EYS: variants seen among roughly 807,000 people sequenced by gnomAD.
EYS encodes protein eyes shut homolog.
EYS carries 250 observed loss-of-function variants against 282.1 expected under a neutral mutation model. The observed-to-expected ratio is 0.89, with a 90% CI of 0.80 to 0.98. The LOEUF is 0.98. Ranked by LOEUF, EYS falls within the 50% of genes least tolerant of loss-of-function variation. The probability of loss-of-function intolerance (pLI) is 0.00; values close to 1 mark genes in which losing one functional copy is unlikely to be tolerated. For synonymous variants in EYS, 1,355 were observed against 1,282.9 expected, an observed-to-expected ratio of 1.06 and a Z score of -1.20; for missense variants, 4,016 against 3,709.0, an observed-to-expected ratio of 1.08 and a Z score of -2.15.
At chr6:65,020,530 C>G (rs1772218224) in intron 13 of EYS, among the ~76,000 whole-genome samples, 1 of 152,142 alleles carries the variant, frequency 6.6e-6, no homozygotes, top group Non-Finnish European at 1.5e-5. Context: ...GGCTCTCGAT[C>G]CTAGCTGCTT....
intron 16 of EYS, among the ~76,000 whole-genome samples, chr6:64,904,724 C>CG (rs1767770322): frequency 6.6e-6 from 1 of 152,036 alleles, no homozygotes; most frequent in African/African-American, 2.4e-5. Context: ...TATAAAGAAG[C>CG]ACCAGTGAGC....
At chr6:64,374,099 G>T (rs1378721518) in intron 29 of EYS, among the ~76,000 whole-genome samples, 1 of 150,216 alleles carries the variant, frequency 6.7e-6, no homozygotes, top group East Asian at 2.0e-4. Context: ...GGCGGGGCAG[G>T]TAAAGTGGCT....
intron 37 of EYS, among the ~76,000 whole-genome samples, chr6:63,791,520 G>A (rs1305307492): frequency 6.6e-6 from 1 of 150,780 alleles, no homozygotes; most frequent in Non-Finnish European, 1.5e-5. Flanking sequence ...AGATCTTGCA[G>A]TGAGCCGAGA....
chr6:64,998,145 A>C (rs1771337418), intron 13 of EYS, among the ~76,000 whole-genome samples: 1 of 152,328 alleles, frequency 6.6e-6, no homozygotes, highest in African/African-American at 2.4e-5. Flanking sequence ...ATTAAAGTGC[A>C]TTGTGATCTC....
At chr6:65,560,548 G>A (rs1359344210) in intron 2 of EYS, among the ~76,000 whole-genome samples, 3 of 151,266 alleles carry the variant, frequency 2.0e-5, no homozygotes, top group Non-Finnish European at 4.4e-5. Flanking sequence ...ATTTAAGCAA[G>A]ACTTTTACTC....
At chr6:64,537,444 T>A (rs1267745969) in intron 26 of EYS, among the ~76,000 whole-genome samples, 1 of 152,144 alleles carries the variant, frequency 6.6e-6, no homozygotes, top group East Asian at 1.9e-4. Flanking sequence ...TCTTGTAAAA[T>A]TTATTTTGTT....
chr6:64,225,000 A>C (rs568595282), intron 31 of EYS, among the ~76,000 whole-genome samples: 1 of 152,116 alleles, frequency 6.6e-6, no homozygotes, highest in Non-Finnish European at 1.5e-5. Flanking sequence ...TTTGCCAATT[A>C]GTCAATTTCA....
intron 13 of EYS, among the ~76,000 whole-genome samples, chr6:65,008,808 G>T (rs985613286): frequency 1.3e-5 from 2 of 152,138 alleles, no homozygotes; most frequent in African/African-American, 2.4e-5. Flanking sequence ...ACCATTGAGG[G>T]CCAGGAGGTT....
chr6:64,417,393 G>T (rs1455337547), intron 28 of EYS, among the ~76,000 whole-genome samples: 2 of 152,078 alleles, frequency 1.3e-5, no homozygotes, highest in Non-Finnish European at 2.9e-5. Context: ...TAATTTGCTT[G>T]TTTCCAGAAA....
At chr6:64,550,166 T>C (rs1765026442) in intron 26 of EYS, among the ~76,000 whole-genome samples, 1 of 152,202 alleles carries the variant, frequency 6.6e-6, no homozygotes, top group Non-Finnish European at 1.5e-5. Context: ...TTCCAAGTCT[T>C]TGCTATTGTG....
At chr6:64,036,572 A>G (rs1770131920) in intron 33 of EYS, among the ~76,000 whole-genome samples, 1 of 152,222 alleles carries the variant, frequency 6.6e-6, no homozygotes, top group African/African-American at 2.4e-5. Context: ...GAGGAGCTAC[A>G]GACATCACGC....
At chr6:64,269,824 A>G (rs1363056887) in intron 30 of EYS, among the ~76,000 whole-genome samples, 1 of 152,002 alleles carries the variant, frequency 6.6e-6, no homozygotes. Context: ...ACTCTTTAAT[A>G]CATTCAAAAG....
At chr6:64,782,598 AAACTT>A (rs1773894796) in intron 22 of EYS, among the ~76,000 whole-genome samples, 1 of 152,198 alleles carries the variant, frequency 6.6e-6, no homozygotes, top group Non-Finnish European at 1.5e-5. Context: ...TCTCTTTAAA[AAACTT>A]AACTGCATAT....
At chr6:64,162,841 G>A (rs534587715) in intron 31 of EYS, among the ~76,000 whole-genome samples, 1 of 152,168 alleles carries the variant, frequency 6.6e-6, no homozygotes, top group African/African-American at 2.4e-5. Flanking sequence ...TGAATTGTTT[G>A]TATTATTCAT....
intron 18 of EYS, among the ~76,000 whole-genome samples, chr6:64,900,013 G>A (rs1396922270): frequency 4.6e-5 from 7 of 152,114 alleles, no homozygotes; most frequent in African/African-American, 1.7e-4. Context: ...AAACAGCATG[G>A]TGCTGGTACC....
At chr6:65,663,773 CCGGG>C (rs1768091655) in intron 1 of EYS, among the ~76,000 whole-genome samples, 4 of 152,132 alleles carry the variant, frequency 2.6e-5, no homozygotes, top group East Asian at 1.9e-4. Flanking sequence ...GCTCCGCCTC[CCGGG>C]TTCAGGCCAT....
At chr6:65,133,063 A>T (rs1274887180) in intron 12 of EYS, among the ~76,000 whole-genome samples, 1 of 151,834 alleles carries the variant, frequency 6.6e-6, no homozygotes, top group Non-Finnish European at 1.5e-5. Flanking sequence ...GAAATCAGAG[A>T]TGAAACAAAT....
intron 14 of EYS, among the ~76,000 whole-genome samples, chr6:64,963,899 T>A (rs973890563): frequency 2.6e-5 from 4 of 152,154 alleles, no homozygotes; most frequent in Admixed American, 2.6e-4. Flanking sequence ...TTTTAAGTTG[T>A]AATACATAAT....
intron 26 of EYS, among the ~76,000 whole-genome samples, chr6:64,562,538 G>C (rs1765429405): frequency 6.6e-6 from 1 of 151,780 alleles, no homozygotes; most frequent in Non-Finnish European, 1.5e-5. Context: ...TTTAATGATG[G>C]TTGAGTGGAA....
Sources: allele counts gnomAD v4.1 joint callset (sites outside exome capture counted in the v4.1 genomes callset), GRCh38; gene constraint gnomAD v4.1.1; transcripts MANE v1.5; gene names NCBI Gene and HGNC (gene_info 2026-07-23, HGNC 2026-07-21).